PGGT1B: variants seen among roughly 807,000 people sequenced by gnomAD.
PGGT1B encodes protein geranylgeranyltransferase type I subunit beta.
PGGT1B carries 30 observed loss-of-function variants against 46.1 expected under a neutral mutation model. The ratio of observed to expected loss-of-function variants is 0.65; its 90% CI spans 0.49 to 0.88. PGGT1B has a LOEUF of 0.88. PGGT1B is among the 40% of genes least tolerant of loss of function. PGGT1B has a pLI of 0.00. For missense variants in PGGT1B, 376 were observed against 455.9 expected (o/e 0.82, Z 1.60); for synonymous variants, 170 against 160.0 (o/e 1.06, Z -0.47).
chr5:115,225,700 C>CA (rs1756756789), intron 6 of PGGT1B, among the ~76,000 whole-genome samples: 1 of 150,218 alleles, frequency 6.7e-6, no homozygotes, highest in South Asian at 2.1e-4. Context: ...GGCTGGAGTG[C>CA]AGTGGTGTGA....
In PGGT1B at chr5:115,205,489, T is replaced by TA. The variant is rs1756034755; in HGVS notation, c.*6912_*6913insT. On this transcript the variant is annotated 3_prime_UTR_variant, in exon 9 of 9. Transcript: ENST00000419445. Reference sequence around the variant, plus strand: ...AGAGGGTGGAGAATGATCACCTCAGTTAAAAAAATGTGGCATAAAAAGAAT... The same window carrying TA: ...AGAGGGTGGAGAATGATCACCTCAGTATAAAAAAATGTGGCATAAAAAGAAT... The TA allele has an allele frequency of 1.3e-5, 2 of 148,430 alleles. No homozygotes were observed. The highest frequency in any genetic ancestry group is 4.9e-5 in the African/African-American group (2 of 40,546). The allele number at this position is 148,430 out of a possible 1,614,324, so 9.2% of individuals were successfully genotyped here. A position where few individuals can be genotyped will look rare whatever the true frequency, so the allele number is the denominator to read the frequency against.
chr5:115,225,649 ATT>A (rs60269384), intron 6 of PGGT1B, among the ~76,000 whole-genome samples: 11 of 144,410 alleles, frequency 7.6e-5, no homozygotes, highest in Non-Finnish European at 9.2e-5. Flanking sequence ...GGTAAAGTAA[ATT>A]TTTTTTTTTT....
At chr5:115,259,951 T>G (rs924811113) in intron 1 of PGGT1B, among the ~76,000 whole-genome samples, 1 of 152,140 alleles carries the variant, frequency 6.6e-6, no homozygotes, top group Non-Finnish European at 1.5e-5. Context: ...CTAATTCCTA[T>G]TACCCAAATA....
chr5:115,212,558 G>A lies in PGGT1B; in HGVS notation c.978C>T (p.Ile326=). 6.2e-7 allele frequency: 1 copy of A among 1,611,854 alleles called. No homozygotes were observed. The highest frequency in any genetic ancestry group is 8.5e-7 in the Non-Finnish European group (1 of 1,178,964). The change falls in exon 9 of 9, where the codon ATC becomes ATT. Residue 326 remains isoleucine (I), a synonymous_variant. Transcript: ENST00000419445. ...HPDALHAYFG[I]CGLSLMEESG... ...TTTCCTCCATTAGTGACAGGCCACA[G>A]ATCCCAAAGTATGCATGCAAAGCAT...
Position 115,224,905 on chromosome 5 carries a change from A to C in PGGT1B, c.659-2897T>G, listed in dbSNP as rs566152834. ...GCAGACATAAAAACAGGAAGAAAAG[A>C]AAAGTGACATTTTGATAAGTAGATT... is the stretch of plus-strand genomic sequence containing the variant. On this transcript the variant is annotated intron_variant, in intron 6 of 8. Transcript: ENST00000419445. Among the ~76,000 whole-genome samples, 94 of 152,188 alleles carry C rather than the reference A, an allele frequency of 6.2e-4. 1 individual carries two copies. Among genetic ancestry groups the C allele is most frequent in the African/African-American group, 2.2e-3 (93 of 41,548 alleles).
In PGGT1B at chr5:115,237,851, C is replaced by T; in HGVS notation, c.479+7G>A. 2 of 1,599,054 alleles carry T rather than the reference C, an allele frequency of 1.3e-6. No individual in the cohort carries two copies. Among genetic ancestry groups the T allele is most frequent in the Admixed American group, 1.8e-5 (1 of 56,266 alleles). On this transcript the variant is annotated splice_region_variant and intron_variant, in intron 4 of 8. Coordinates refer to ENST00000419445, the MANE Select transcript of PGGT1B (RefSeq NM_005023.4). ...TTACAAAAAAAGTAACAAAGAATCA[C>T]TCATACCTCCCATCTTCCAGCTGAA... is the stretch of plus-strand genomic sequence containing the variant.
rs1756001646 is a variant in PGGT1B, at chr5:115,204,354, T to G, written c.*8048A>C. 1 of 152,136 alleles carries G rather than the reference T, an allele frequency of 6.6e-6. No homozygotes were observed. Among genetic ancestry groups the G allele is most frequent in the Non-Finnish European group, 1.5e-5 (1 of 68,020 alleles). 9.4% of individuals were successfully genotyped at this position (152,136 alleles called of 1,614,324 possible). A position where few individuals can be genotyped will look rare whatever the true frequency, so the allele number is the denominator to read the frequency against. On this transcript the variant is annotated 3_prime_UTR_variant, in exon 9 of 9. Transcript: ENST00000419445. Reference sequence around the variant, plus strand: ...CTGCACTTTCTAACGAGTACCCAGGTGATGCTAGTGTTTCCATCTGTAGAC... The same window carrying G: ...CTGCACTTTCTAACGAGTACCCAGGGGATGCTAGTGTTTCCATCTGTAGAC...
chr5:115,230,842 G>A, intron 6 of PGGT1B, 134 bp downstream of exon 6: 2 of 630,914 alleles, frequency 3.2e-6, no homozygotes, highest in Non-Finnish European at 5.7e-6. Context: ...AGAGAATCAG[G>A]AAAGTGACAA....
In PGGT1B at chr5:115,220,309, A is replaced by G. The variant is rs574137687; in HGVS notation, c.843+1515T>C. ...TTTTGATATATGCCATGTCATAAAT[A>G]AACCCTGAAACCATTATGCTAAGTG... On this transcript the variant is annotated intron_variant, in intron 7 of 8. Transcript: ENST00000419445. Among the ~76,000 whole-genome samples the G allele has an allele frequency of 8.4e-4, 128 of 152,038 alleles. 1 individual carries two copies. The highest frequency in any genetic ancestry group is 2.8e-3 in the African/African-American group (115 of 41,560).
At chr5:115,246,805 T>C (rs1007535327) in intron 2 of PGGT1B, among the ~76,000 whole-genome samples, 3 of 152,220 alleles carry the variant, frequency 2.0e-5, no homozygotes, top group Non-Finnish European at 2.9e-5. Context: ...ATTTGGTAAA[T>C]ATACTTTTGT....
chr5:115,227,541 C>G (rs566735396), intron 6 of PGGT1B, among the ~76,000 whole-genome samples: 2 of 152,314 alleles, frequency 1.3e-5, no homozygotes, highest in African/African-American at 4.8e-5. Flanking sequence ...CAGCCCTTCA[C>G]AGACTTATCC....
At chr5:115,257,530 C>CAAAAAAAAAAAAAAA (rs1169870044) in intron 1 of PGGT1B, among the ~76,000 whole-genome samples, 1 of 72,082 alleles carries the variant, frequency 1.4e-5, no homozygotes, top group Non-Finnish European at 2.6e-5. Context: ...AACTCCATCT[C>CAAAAAAAAAAAAAAA]AAAAAAAAAA....
At chr5:115,242,889 C>A (rs959793365) in intron 2 of PGGT1B, among the ~76,000 whole-genome samples, 15 of 152,032 alleles carry the variant, frequency 9.9e-5, no homozygotes, top group African/African-American at 3.6e-4. Context: ...ATTGCTTGAA[C>A]CCGGGAGGTG....
intron 5 of PGGT1B, among the ~76,000 whole-genome samples, chr5:115,232,989 CAAAAAAAGCCACCCAGT>C (rs11270507): frequency 0.36 from 54,678 of 151,390 alleles, 10,501 homozygotes; most frequent in Non-Finnish European, 0.44. Context: ...ACCCCAGCTA[CAAAAAAAGCCACCCAGT>C]AAAGAAAGCA....
rs904807497 is a variant in PGGT1B, at chr5:115,205,192, T to C, written c.*7210A>G. On this transcript the variant is annotated 3_prime_UTR_variant, in exon 9 of 9. Transcript: ENST00000419445. ...AGCCTAAATTCATAATCTTTTACTT[T>C]TTCACAATTTCTCCAGTGAATTGTA... 2 of 152,198 alleles carry C rather than the reference T, an allele frequency of 1.3e-5. No individual in the cohort carries two copies. The highest frequency in any genetic ancestry group is 4.8e-5 in the African/African-American group (2 of 41,470). 9.4% of individuals were successfully genotyped at this position (152,198 alleles called of 1,614,324 possible).
At chr5:115,221,291 T>A (rs182176896) in intron 7 of PGGT1B, among the ~76,000 whole-genome samples, 14 of 152,102 alleles carry the variant, frequency 9.2e-5, no homozygotes, top group Non-Finnish European at 1.8e-4. Context: ...CTAAATAACC[T>A]TACGGAATTA....
intron 3 of PGGT1B, among the ~76,000 whole-genome samples, chr5:115,238,927 T>C (rs1757268320): frequency 6.6e-6 from 1 of 152,202 alleles, no homozygotes; most frequent in African/African-American, 2.4e-5. Flanking sequence ...CACCCATGAA[T>C]CGTAAGATTT....
chr5:115,238,901 C>T (rs1430583007), intron 3 of PGGT1B, among the ~76,000 whole-genome samples: 1 of 152,176 alleles, frequency 6.6e-6, no homozygotes, highest in African/African-American at 2.4e-5. Context: ...GAGTCAAGAT[C>T]CAAGGGTCTT....
chr5:115,226,670 T>A (rs1214856506), intron 6 of PGGT1B, among the ~76,000 whole-genome samples: 1 of 151,954 alleles, frequency 6.6e-6, no homozygotes, highest in East Asian at 1.9e-4. Flanking sequence ...CAAAGTGGAA[T>A]ACAGGATAAC....
Sources: allele counts gnomAD v4.1 joint callset (sites outside exome capture counted in the v4.1 genomes callset), GRCh38; gene constraint gnomAD v4.1.1; transcripts MANE v1.5; gene names NCBI Gene and HGNC (gene_info 2026-07-23, HGNC 2026-07-21).